Variants in LRTM1 observed in about 807,000 individuals in gnomAD.
The protein encoded by LRTM1 is leucine rich repeat transmembrane protein 1.
LRTM1 carries 38 observed loss-of-function variants against 32.4 expected under a neutral mutation model. That is an observed-to-expected ratio of 1.17 (90% CI 0.91 to 1.54). LRTM1 has a LOEUF of 1.54. Ranked by LOEUF, LRTM1 falls within the 40% of genes most tolerant of loss-of-function variation. The probability of loss-of-function intolerance (pLI) is 0.00; values close to 1 mark genes in which losing one functional copy is unlikely to be tolerated. For missense variants in LRTM1, 466 were observed against 415.4 expected, an observed-to-expected ratio of 1.12 and a Z score of -1.06; for synonymous variants, 186 against 169.9, an observed-to-expected ratio of 1.09 and a Z score of -0.74.
In LRTM1 at chr3:54,924,883, C is replaced by T. The variant is rs1211400412; in HGVS notation, c.340G>A (p.Glu114Lys). ...NLTQNSLLSL[E>K]SRLFHSLPQL... is the part of the protein sequence containing the mutation. Reference sequence around the variant, plus strand: ...GGGAGGGAATGGAAAAGTCTGCTTTCCAGGGAAAGGAGTGAATTCTGGGTT... The same window carrying T: ...GGGAGGGAATGGAAAAGTCTGCTTTTCAGGGAAAGGAGTGAATTCTGGGTT... Residue 114 changes from glutamate (E) to lysine (K), a missense_variant, in exon 2 of 3, where the codon GAA (glutamate) becomes AAA (lysine). Transcript: ENST00000273286. 6.2e-7 allele frequency: 1 copy of T among 1,613,728 alleles called. No individual in the cohort carries two copies.
intron 2 of LRTM1, 46 bp from the exon 3 acceptor site, chr3:54,918,938 C>G (rs1203037072): frequency 4.2e-6 from 6 of 1,445,262 alleles, no homozygotes; most frequent in African/African-American, 1.4e-5. Context: ...CTTGATACAA[C>G]AGAGTTCCAA....
chr3:54,933,317 A>T (rs1426543420), intron 1 of LRTM1, among the ~76,000 whole-genome samples: 15 of 152,230 alleles, frequency 9.9e-5, no homozygotes, highest in Non-Finnish European at 1.5e-4. Flanking sequence ...GTTTAACAGA[A>T]TAGCTCATTT....
At chr3:54,950,554 A>G (rs1209083552) in intron 1 of LRTM1, among the ~76,000 whole-genome samples, 1 of 152,208 alleles carries the variant, frequency 6.6e-6, no homozygotes, top group Non-Finnish European at 1.5e-5. Flanking sequence ...CCTGTTTCCC[A>G]GCCTACCAGC....
chr3:54,940,520 G>T (rs967135914), intron 1 of LRTM1, among the ~76,000 whole-genome samples: 50 of 152,110 alleles, frequency 3.3e-4, no homozygotes, highest in African/African-American at 1.2e-3. Flanking sequence ...TTGCTGTCAG[G>T]GTGAACTCTG....
At chr3:54,921,858 G>A (rs1417694424) in intron 2 of LRTM1, among the ~76,000 whole-genome samples, 1 of 151,554 alleles carries the variant, frequency 6.6e-6, no homozygotes, top group Admixed American at 6.6e-5. Context: ...GGGCTAGTCT[G>A]TTATGTCGGT....
intron 1 of LRTM1, among the ~76,000 whole-genome samples, chr3:54,944,595 G>A (rs1034401294): frequency 6.6e-6 from 1 of 151,870 alleles, no homozygotes; most frequent in African/African-American, 2.4e-5. Flanking sequence ...TAATTTTTTT[G>A]TATTTTTAGT....
At chr3:54,957,177 T>C (rs1701919396) in intron 1 of LRTM1, among the ~76,000 whole-genome samples, 1 of 152,134 alleles carries the variant, frequency 6.6e-6, no homozygotes, top group South Asian at 2.1e-4. Context: ...TTTTTTTTTT[T>C]TTTAGAGACA....
chr3:54,953,698 G>A (rs552864822), intron 1 of LRTM1, among the ~76,000 whole-genome samples: 43 of 152,226 alleles, frequency 2.8e-4, no homozygotes, highest in Non-Finnish European at 4.8e-4. Context: ...TGTGCTGGTT[G>A]TTTCCCCCTT....
chr3:54,921,531 T>C (rs1432334509), intron 2 of LRTM1, among the ~76,000 whole-genome samples: 2 of 152,176 alleles, frequency 1.3e-5, no homozygotes, highest in Non-Finnish European at 2.9e-5. Context: ...TTTTTGCTCT[T>C]AGGCCAGCAG....
At chr3:54,931,602 C>G (rs1701193621), upstream of LRTM1, among the ~76,000 whole-genome samples, 1 of 152,154 alleles carries the variant, frequency 6.6e-6, no homozygotes, top group African/African-American at 2.4e-5. Flanking sequence ...CTCCTGGCCC[C>G]AAGACCTGCC....
intron 1 of LRTM1, among the ~76,000 whole-genome samples, chr3:54,927,572 T>A (rs1043106348): frequency 6.6e-6 from 1 of 152,168 alleles, no homozygotes; most frequent in African/African-American, 2.4e-5. Flanking sequence ...TCTCTGAGAT[T>A]GTAGCCAATT....
rs3796235 is a variant in LRTM1 at position 54,954,246 on chromosome 3, C to T, written c.-222+12682G>A. Among the ~76,000 whole-genome samples, 65 of 152,330 alleles carry T rather than the reference C, an allele frequency of 4.3e-4. 1 individual carries two copies. The East Asian group carries it at 0.012, about 29-fold the overall frequency. ...CCTCATTCCAAGGGAAGGTCACCTT[C>T]GAGTCAGTCGGCAGCTCCCTGGGCC... is the stretch of plus-strand genomic sequence containing the variant. On this transcript the variant is annotated intron_variant, in intron 1 of 2. Coordinates refer to the LRTM1 transcript ENST00000493075.
intron 1 of LRTM1, among the ~76,000 whole-genome samples, chr3:54,941,506 T>C (rs184914196): frequency 6.6e-6 from 1 of 152,284 alleles, no homozygotes; most frequent in East Asian, 1.9e-4. Context: ...TTGTTCATCG[T>C]TTTTATAATG....
chr3:54,954,779 T>C (rs949434041), intron 1 of LRTM1, among the ~76,000 whole-genome samples: 5 of 152,180 alleles, frequency 3.3e-5, no homozygotes, highest in African/African-American at 9.7e-5. Context: ...CCCTGAGGCC[T>C]TAAGCATGGA....
intron 1 of LRTM1, among the ~76,000 whole-genome samples, chr3:54,939,201 G>A (rs1701398888): frequency 6.6e-6 from 1 of 152,078 alleles, no homozygotes; most frequent in African/African-American, 2.4e-5. Context: ...TCAGACACAG[G>A]GTGCTTTACC....
chr3:54,940,640 T>G (rs1355320941), intron 1 of LRTM1, among the ~76,000 whole-genome samples: 1 of 152,066 alleles, frequency 6.6e-6, no homozygotes, highest in African/African-American at 2.4e-5. Flanking sequence ...ACATCACTAG[T>G]TTTCTGGGTG....
In LRTM1 at chr3:54,945,056, C is replaced by G. The variant is rs576965928; in HGVS notation, c.-221-19841G>C. On this transcript the variant is annotated intron_variant, in intron 1 of 2. Coordinates refer to the LRTM1 transcript ENST00000493075. ...GAGAATGGGGAAGATGACAGTAATTCTAGGCCTTGTTTGGGGGCTATAAGC... is the reference window on the plus strand; with the variant it reads ...GAGAATGGGGAAGATGACAGTAATTGTAGGCCTTGTTTGGGGGCTATAAGC... 3.2e-3 allele frequency among the ~76,000 whole-genome samples: 494 copies of G among 152,252 alleles called. 2 individuals are homozygous for G. The highest frequency in any genetic ancestry group is 0.011 in the African/African-American group (466 of 41,540).
At chr3:54,944,522 G>A (rs767337681) in intron 1 of LRTM1, among the ~76,000 whole-genome samples, 3 of 152,130 alleles carry the variant, frequency 2.0e-5, no homozygotes, top group South Asian at 2.1e-4. Context: ...CCGGGTTCAC[G>A]CCATTCCCCT....
intron 1 of LRTM1, among the ~76,000 whole-genome samples, chr3:54,959,799 C>A (rs1701987521): frequency 6.6e-6 from 1 of 152,104 alleles, no homozygotes. Flanking sequence ...ATTTGAAGAA[C>A]TTTGTGAGCA....
Sources: gnomAD v4.1 joint callset for allele counts (sites outside exome capture counted in the v4.1 genomes callset) on GRCh38, gnomAD v4.1.1 for gene constraint, MANE v1.5 for transcripts, NCBI Gene and HGNC (gene_info 2026-07-23, HGNC 2026-07-21) for gene names.